The following KCNS3 variants were observed in gnomAD, a reference collection of about 807,000 sequenced individuals.
KCNS3 encodes the protein potassium voltage-gated channel modifier subfamily S member 3.
KCNS3 carries 13 observed loss-of-function variants against 31.0 expected under a neutral mutation model. That is an observed-to-expected ratio of 0.42 (90% CI 0.27 to 0.67). The LOEUF is 0.67. Ranked by LOEUF, KCNS3 falls within the 30% of genes least tolerant of loss-of-function variation. The probability of loss-of-function intolerance (pLI) is 0.25; values close to 1 mark genes in which losing one functional copy is unlikely to be tolerated. For missense variants in KCNS3, 545 were observed against 622.4 expected (o/e 0.88, Z 1.32); for synonymous variants, 238 against 241.5 (o/e 0.99, Z 0.13).
intron 1 of KCNS3, among the ~76,000 whole-genome samples, chr2:17,888,203 T>C (rs1661737971): frequency 6.6e-6 from 1 of 152,230 alleles, no homozygotes; most frequent in African/African-American, 2.4e-5. Context: ...CAGCTATTTA[T>C]CTTTGTTTTT....
chr2:17,886,682 G>GTCCATCCATCCA (rs61140648), intron 1 of KCNS3, among the ~76,000 whole-genome samples: 9 of 150,098 alleles, frequency 6.0e-5, no homozygotes, highest in African/African-American at 1.7e-4. Context: ...CCATCCGTCC[G>GTCCATCCATCCA]TCCATCCATC....
chr2:17,926,919 A>C (rs112297371), intron 2 of KCNS3, among the ~76,000 whole-genome samples: 1 of 152,208 alleles, frequency 6.6e-6, no homozygotes, highest in Admixed American at 6.5e-5. Context: ...TTTCTTTTCT[A>C]TCACATCATC....
intron 1 of KCNS3, among the ~76,000 whole-genome samples, chr2:17,892,513 T>G (rs1233140011): frequency 2.6e-5 from 4 of 152,132 alleles, no homozygotes; most frequent in Non-Finnish European, 4.4e-5. Flanking sequence ...AGAGCCTTGT[T>G]TTGTTATAGT....
chr2:17,913,382 T>G (rs893318097), intron 1 of KCNS3, among the ~76,000 whole-genome samples: 3 of 152,276 alleles, frequency 2.0e-5, no homozygotes, highest in Non-Finnish European at 4.4e-5. Context: ...CTGAATAGCC[T>G]ACCTGCAGAA....
chr2:17,926,332 C>T (rs955649010), intron 2 of KCNS3, among the ~76,000 whole-genome samples: 1 of 152,308 alleles, frequency 6.6e-6, no homozygotes, highest in African/African-American at 2.4e-5. Context: ...GTGGATCTAC[C>T]ATTCTGGGGT....
chr2:17,886,584 T>A (rs1558445976), intron 1 of KCNS3, among the ~76,000 whole-genome samples: 2 of 152,174 alleles, frequency 1.3e-5, no homozygotes, highest in Non-Finnish European at 2.9e-5. Flanking sequence ...GGCTTGAGCT[T>A]CCATGACAGA....
intron 1 of KCNS3, among the ~76,000 whole-genome samples, chr2:17,901,590 T>C (rs1662174158): frequency 6.6e-6 from 1 of 152,102 alleles, no homozygotes; most frequent in South Asian, 2.1e-4. Flanking sequence ...AGAGGGAGAC[T>C]GGGCTGGAGA....
At chr2:17,921,406 A>C (rs999423941) in intron 2 of KCNS3, among the ~76,000 whole-genome samples, 2 of 152,150 alleles carry the variant, frequency 1.3e-5, no homozygotes, top group African/African-American at 4.8e-5. Context: ...CCAAAAGATA[A>C]GGGTTTTCTT....
intron 2 of KCNS3, among the ~76,000 whole-genome samples, chr2:17,927,764 G>A (rs1268731956): frequency 2.0e-5 from 3 of 152,220 alleles, no homozygotes; most frequent in African/African-American, 7.2e-5. Context: ...TTGGAGATGA[G>A]ATTTGGGTGG....
At chr2:17,892,716 G>A (rs766403776) in intron 1 of KCNS3, among the ~76,000 whole-genome samples, 1 of 152,082 alleles carries the variant, frequency 6.6e-6, no homozygotes, top group Non-Finnish European at 1.5e-5. Flanking sequence ...TCTGGGTCTA[G>A]CCACCCAGCG....
intron 1 of KCNS3, among the ~76,000 whole-genome samples, chr2:17,891,000 C>T (rs1661841292): frequency 6.6e-6 from 1 of 152,102 alleles, no homozygotes. Context: ...TCTTGATGAC[C>T]TGTCTAGTGT....
intron 1 of KCNS3, among the ~76,000 whole-genome samples, chr2:17,879,805 C>CA (rs1674599223): frequency 6.6e-6 from 1 of 152,196 alleles, no homozygotes; most frequent in African/African-American, 2.4e-5. Flanking sequence ...GCAGCAGGGG[C>CA]AGAGGACAGC....
At chr2:17,909,482 C>T (rs1276933411) in intron 1 of KCNS3, among the ~76,000 whole-genome samples, 4 of 152,228 alleles carry the variant, frequency 2.6e-5, no homozygotes, top group East Asian at 1.9e-4. Flanking sequence ...CACTGTCTGA[C>T]GAGCCCCAGT....
At position 17,931,381 on chromosome 2, in the gene KCNS3, A is replaced by G; in HGVS notation, c.373A>G (p.Lys125Glu). Residue 125 changes from lysine (K) to glutamate (E), a missense_variant, in exon 3 of 3, where the codon AAG (lysine) becomes GAG (glutamate). By Grantham distance (56) the Lys-to-Glu change is moderately conservative. Transcript: ENST00000304101. This position sits in a 1 kb window ranked among gnomAD's most constrained non-coding sequence, Gnocchi z 5.4. ...CTGCAGCAATCGCTACCAGGAACGC[A>G]AGGAGGAAAACCACGAGAAGGACTG... Reference protein sequence around the residue: ...SCCSNRYQERKEENHEKDWDQ... With the variant: ...SCCSNRYQEREEENHEKDWDQ... 1 of 1,614,164 alleles carries G rather than the reference A, an allele frequency of 6.2e-7. No homozygotes were observed. Among genetic ancestry groups the G allele is most frequent in the South Asian group, 1.1e-5 (1 of 91,086 alleles).
intron 1 of KCNS3, among the ~76,000 whole-genome samples, chr2:17,914,631 C>A (rs988744177): frequency 6.6e-6 from 1 of 152,130 alleles, no homozygotes; most frequent in African/African-American, 2.4e-5. Flanking sequence ...GGAATTGGTT[C>A]AAAAAATGTG....
At chr2:17,920,800 C>T (rs1472263882) in intron 2 of KCNS3, among the ~76,000 whole-genome samples, 1 of 152,198 alleles carries the variant, frequency 6.6e-6, no homozygotes, top group Non-Finnish European at 1.5e-5. Flanking sequence ...CATGTGTCTT[C>T]AGCATGTGAA....
chr2:17,888,639 A>ATATATATATATATATC (rs1661758469), intron 1 of KCNS3, among the ~76,000 whole-genome samples: 1 of 75,316 alleles, frequency 1.3e-5, no homozygotes, highest in Non-Finnish European at 3.4e-5. Context: ...GTATATATAT[A>ATATATATATATATATC]TATATATATA....
intron 1 of KCNS3, among the ~76,000 whole-genome samples, chr2:17,916,409 G>A (rs75750059): frequency 1.2e-3 from 185 of 152,126 alleles, no homozygotes; most frequent in African/African-American, 4.4e-3. Flanking sequence ...GGAAGGAGGA[G>A]GAGTTTAGCA....
At chr2:17,887,883 G>C (rs2125233183) in intron 1 of KCNS3, among the ~76,000 whole-genome samples, 1 of 152,156 alleles carries the variant, frequency 6.6e-6, no homozygotes, top group Non-Finnish European at 1.5e-5. Flanking sequence ...GGAGTAAAGT[G>C]GTATCACATT....
Sources: gnomAD v4.1 joint callset for allele counts (sites outside exome capture counted in the v4.1 genomes callset) on GRCh38, gnomAD v4.1.1 for gene constraint, Gnocchi (gnomAD v3.1) non-coding constraint, MANE v1.5 for transcripts, NCBI Gene and HGNC (gene_info 2026-07-23, HGNC 2026-07-21) for gene names.